RNF157: variants seen among roughly 807,000 people sequenced by gnomAD.
RNF157 encodes the protein E3 ubiquitin ligase RNF157.
Under a neutral mutation model 88.3 loss-of-function variants are expected in RNF157, and 55 were observed. The observed-to-expected ratio is 0.62, with a 90% CI of 0.50 to 0.78. RNF157 has a LOEUF of 0.78. Among genes scored for constraint, RNF157 ranks in the 30% least tolerant of loss-of-function variants. The pLI, the probability that RNF157 is intolerant of heterozygous loss-of-function variation, is 0.00. For missense variants in RNF157, 788 were observed against 860.8 expected (o/e 0.92, Z 1.06); for synonymous variants, 334 against 341.2 (o/e 0.98, Z 0.23).
chr17:76,224,494 G>A (rs1054275267), intron 1 of RNF157, among the ~76,000 whole-genome samples: 3 of 151,938 alleles, frequency 2.0e-5, no homozygotes, highest in African/African-American at 7.2e-5. Flanking sequence ...ATAACAATAA[G>A]CTTTAGATCA....
chr17:76,181,133 T>C (rs1023299284), intron 2 of RNF157, among the ~76,000 whole-genome samples: 1 of 152,274 alleles, frequency 6.6e-6, no homozygotes, highest in Middle Eastern at 3.4e-3. Context: ...CCAAAAGCCA[T>C]ACTCTATTGC....
intron 12 of RNF157, 131 bp from the exon 13 acceptor site, chr17:76,158,632 G>T: frequency 1.6e-6 from 1 of 644,054 alleles, no homozygotes; most frequent in South Asian, 1.7e-5. Flanking sequence ...ATCTCATTAT[G>T]TTTCCCAGGC....
intron 1 of RNF157, chr17:76,226,774 C>T (rs2070095324): frequency 1.9e-6 from 3 of 1,573,418 alleles, no homozygotes; most frequent in East Asian, 2.3e-5. Flanking sequence ...CCCCCACCAA[C>T]ACCTCGTTGC....
intron 1 of RNF157, among the ~76,000 whole-genome samples, chr17:76,220,141 A>G (rs538010956): frequency 7.0e-4 from 106 of 152,190 alleles, no homozygotes; most frequent in Non-Finnish European, 1.1e-3. Context: ...ATTCCCCACT[A>G]ACAGGAACAA....
rs779687905 is a variant in RNF157, at chr17:76,240,010, C to T, written c.88+143G>A. 81 of 344,318 alleles carry T rather than the reference C, an allele frequency of 2.4e-4. No individual in the cohort carries two copies. Among genetic ancestry groups the T allele is most frequent in the Non-Finnish European group, 3.7e-4 (75 of 201,998 alleles). 21.3% of individuals were successfully genotyped at this position (344,318 alleles called of 1,614,324 possible). A position where few individuals can be genotyped will look rare whatever the true frequency, so the allele number is the denominator to read the frequency against. ...GGGGAGACCTCGGCCTTCTCGAAGA[C>T]CTCCCGCGCTCGAAGACCGTTTCGG... is the stretch of plus-strand genomic sequence containing the variant. On this transcript the variant is annotated intron_variant, in intron 1 of 18. Coordinates refer to ENST00000269391, the MANE Select transcript of RNF157 (RefSeq NM_052916.3). The surrounding 1 kb of genome is among the most constrained non-coding windows in gnomAD (Gnocchi z 4.4).
rs2068595133 is a variant in RNF157 at position 76,146,992 on chromosome 17, AAC to A, written c.1922-1641_1922-1640del. ...GTGCTAATCCACCTCAGGCTCTAGTAACAGTCTCTGGTGCTTGACCCCAGGGG... is the reference window on the plus strand; with the variant it reads ...GTGCTAATCCACCTCAGGCTCTAGTAAGTCTCTGGTGCTTGACCCCAGGGG... On this transcript the variant is annotated intron_variant, in intron 18 of 18. Transcript: ENST00000269391. This position sits in a 1 kb window ranked among gnomAD's most constrained non-coding sequence, Gnocchi z 4.2. The A allele has an allele frequency of 1.0e-6, 1 of 985,394 alleles. No homozygotes were observed. Among genetic ancestry groups the A allele is most frequent in the East Asian group, 1.1e-4 (1 of 8,808 alleles). The allele number at this position is 985,394 out of a possible 1,614,324, so 61.0% of individuals were successfully genotyped here. A position where few individuals can be genotyped will look rare whatever the true frequency, so the allele number is the denominator to read the frequency against.
At chr17:76,180,306 C>T (rs1444516196) in intron 2 of RNF157, among the ~76,000 whole-genome samples, 1 of 152,140 alleles carries the variant, frequency 6.6e-6, no homozygotes, top group Non-Finnish European at 1.5e-5. Flanking sequence ...GAAATTTGGT[C>T]TGCTCAGGGA....
intron 1 of RNF157, among the ~76,000 whole-genome samples, chr17:76,225,564 T>C (rs2070066905): frequency 6.6e-6 from 1 of 152,128 alleles, no homozygotes; most frequent in South Asian, 2.1e-4. Flanking sequence ...TGAATGCACA[T>C]ATTGATCTGC....
intron 18 of RNF157, chr17:76,147,023 A>C: frequency 1.0e-6 from 1 of 985,388 alleles, no homozygotes; most frequent in Non-Finnish European, 1.2e-6. Flanking sequence ...CCAGGGGAAC[A>C]GTGAGAACAG....
intron 17 of RNF157, 55 bp downstream of exon 17, chr17:76,154,228 A>T: frequency 3.0e-6 from 4 of 1,318,248 alleles, no homozygotes; most frequent in Non-Finnish European, 4.4e-6. Context: ...CCCCTTAAAG[A>T]ATACCCAGGA....
At chr17:76,238,217 G>A (rs990769231) in intron 1 of RNF157, among the ~76,000 whole-genome samples, 5 of 152,130 alleles carry the variant, frequency 3.3e-5, no homozygotes, top group South Asian at 2.1e-4. Context: ...GAAGAAAGGC[G>A]ATGCCTCCGT....
At position 76,240,301 on chromosome 17, in the gene RNF157, C is replaced by A; in HGVS notation, c.-61G>T. ...GCCCGCGCCGCCCTCCGCGCTTCAC[C>A]GCGGCCGCCCGCCCCGCGCCCGGTG... On this transcript the variant is annotated 5_prime_UTR_variant, in exon 1 of 19. Coordinates refer to ENST00000269391, the MANE Select transcript of RNF157 (RefSeq NM_052916.3). This position sits in a 1 kb window ranked among gnomAD's most constrained non-coding sequence, Gnocchi z 4.4. The A allele has an allele frequency of 6.0e-6, 5 of 835,188 alleles. No individual in the cohort carries two copies. The highest frequency in any genetic ancestry group is 7.2e-6 in the Non-Finnish European group (5 of 694,194). The allele number at this position is 835,188 out of a possible 1,614,324, so 51.7% of individuals were successfully genotyped here. A position where few individuals can be genotyped will look rare whatever the true frequency, so the allele number is the denominator to read the frequency against.
intron 4 of RNF157, among the ~76,000 whole-genome samples, chr17:76,167,374 C>T (rs1177394825): frequency 6.6e-6 from 1 of 152,152 alleles, no homozygotes; most frequent in East Asian, 1.9e-4. Context: ...ACTATACCAC[C>T]ATTTGTCACT....
intron 13 of RNF157, 36 bp from the exon 14 acceptor site, chr17:76,156,357 C>T (rs2068764295): frequency 6.2e-7 from 1 of 1,613,128 alleles, no homozygotes; most frequent in African/African-American, 1.3e-5. Flanking sequence ...GGACATGGAG[C>T]AAGCGCCAGT....
chr17:76,186,921 C>T (rs891966843), intron 2 of RNF157, among the ~76,000 whole-genome samples: 4 of 150,256 alleles, frequency 2.7e-5, no homozygotes, highest in Non-Finnish European at 4.4e-5. Flanking sequence ...GCCTGGGTGA[C>T]AGAATGAGAC....
At chr17:76,223,916 A>G (rs2145056085) in intron 1 of RNF157, among the ~76,000 whole-genome samples, 1 of 152,354 alleles carries the variant, frequency 6.6e-6, no homozygotes, top group South Asian at 2.1e-4. Context: ...ACCATCAGAA[A>G]GAAGTAAGTA....
intron 1 of RNF157, among the ~76,000 whole-genome samples, chr17:76,239,264 T>G (rs1423931014): frequency 6.6e-6 from 1 of 152,158 alleles, no homozygotes; most frequent in African/African-American, 2.4e-5. Context: ...TACTGGCCGG[T>G]GCTCACATAA....
rs748391562 is a variant in RNF157, at chr17:76,161,828, C to T, written c.952+15G>A. On this transcript the variant is annotated intron_variant, in intron 10 of 18. Transcript: ENST00000269391. This position sits in a 1 kb window ranked among gnomAD's most constrained non-coding sequence, Gnocchi z 4.6. ...CTCTCCCACCCACCAGTCCCCCTGC[C>T]GCTCTGGGGCTTACGCAGTCGGCAG... 28 of 1,610,142 alleles carry T rather than the reference C, an allele frequency of 1.7e-5. No homozygotes were observed. In the Middle Eastern group the frequency reaches 6.6e-4, roughly 38 times the overall value.
intron 1 of RNF157, among the ~76,000 whole-genome samples, chr17:76,218,421 G>T (rs916234593): frequency 4.0e-5 from 6 of 151,584 alleles, no homozygotes; most frequent in Non-Finnish European, 8.8e-5. Context: ...CAGGAGGATT[G>T]CTTGAGCCCA....
Sources: gnomAD v4.1 joint callset for allele counts (sites outside exome capture counted in the v4.1 genomes callset) on GRCh38, gnomAD v4.1.1 for gene constraint, Gnocchi (gnomAD v3.1) non-coding constraint, MANE v1.5 for transcripts, NCBI Gene and HGNC (gene_info 2026-07-23, HGNC 2026-07-21) for gene names.